Variants in ERAP1 observed in about 807,000 individuals in gnomAD.
The protein encoded by ERAP1 is endoplasmic reticulum aminopeptidase 1, also known as adipocyte-derived leucine aminopeptidase.
Under a neutral mutation model 103.7 loss-of-function variants are expected in ERAP1, and 86 were observed. That is an observed-to-expected ratio of 0.83 (90% confidence interval 0.70 to 0.99). The LOEUF (loss-of-function observed/expected upper bound fraction) is 0.99, where lower values mean the gene tolerates loss of function less well. Ranked by LOEUF, ERAP1 falls within the 50% of genes least tolerant of loss-of-function variation. The probability of loss-of-function intolerance (pLI) is 0.00; values close to 1 mark genes in which losing one functional copy is unlikely to be tolerated. For synonymous variants in ERAP1, 398 were observed against 402.4 expected, an observed-to-expected ratio of 0.99 and a Z score of 0.13; for missense variants, 1,009 against 1,128.4, an observed-to-expected ratio of 0.89 and a Z score of 1.52.
chr5:96,912,009 G>A, the ERAP1 span, among the ~76,000 whole-genome samples: 1 of 150,332 alleles, frequency 6.7e-6, no homozygotes, highest in Non-Finnish European at 1.5e-5. Flanking sequence ...CTAACACGGT[G>A]TAACCCCGTC....
chr5:96,808,345 C>A (rs1778932406), upstream of ERAP1, among the ~76,000 whole-genome samples: 1 of 150,186 alleles, frequency 6.7e-6, no homozygotes, highest in Non-Finnish European at 1.5e-5. Context: ...AGGGCCGGTG[C>A]TCAAGTTGGG....
At chr5:96,787,905 G>C (rs1386805631) in intron 11 of ERAP1, among the ~76,000 whole-genome samples, 1 of 151,834 alleles carries the variant, frequency 6.6e-6, no homozygotes, top group Non-Finnish European at 1.5e-5. Context: ...GAGAGAGAGG[G>C]AGGTGAAGAA....
At chr5:96,933,563 AT>A in the ERAP1 span, among the ~76,000 whole-genome samples, 35 of 151,266 alleles carry the variant, frequency 2.3e-4, no homozygotes, top group South Asian at 4.2e-4. Flanking sequence ...TCGCTAGTGC[AT>A]TTTTTTTTAT....
the ERAP1 span, among the ~76,000 whole-genome samples, chr5:96,891,069 A>G: frequency 6.6e-6 from 1 of 152,310 alleles, no homozygotes; most frequent in Middle Eastern, 3.4e-3. Flanking sequence ...GCTAACGAAT[A>G]CTAATCTTTA....
At chr5:96,856,257 T>C in the ERAP1 span, among the ~76,000 whole-genome samples, 93 of 137,844 alleles carry the variant, frequency 6.7e-4, no homozygotes, top group African/African-American at 2.5e-3. Flanking sequence ...AGGCGGAGAT[T>C]GCAGTGAGCC....
the ERAP1 span, among the ~76,000 whole-genome samples, chr5:96,898,943 T>G: frequency 6.6e-6 from 1 of 152,176 alleles, no homozygotes; most frequent in Non-Finnish European, 1.5e-5. Context: ...TATGTATATT[T>G]GTAGACATCA....
chr5:96,911,425 T>C, the ERAP1 span, among the ~76,000 whole-genome samples: 1 of 152,176 alleles, frequency 6.6e-6, no homozygotes. Context: ...GTCCTCAAGA[T>C]AATAAAAATC....
chr5:96,790,138 GAAAA>G (rs1422692712), intron 10 of ERAP1, among the ~76,000 whole-genome samples, 154 bp downstream of exon 10: 1 of 152,154 alleles, frequency 6.6e-6, no homozygotes, highest in Non-Finnish European at 1.5e-5. Context: ...AAGAAAAATT[GAAAA>G]AGATTATGAG....
chr5:96,772,815 A>G (rs1158689151), downstream of ERAP1: 2 of 152,850 alleles, frequency 1.3e-5, no homozygotes, highest in African/African-American at 4.8e-5. Context: ...TGACTGGTTC[A>G]CCTGTGTACT....
intron 10 of ERAP1, among the ~76,000 whole-genome samples, chr5:96,789,770 C>G (rs1776519347): frequency 6.6e-6 from 1 of 152,208 alleles, no homozygotes; most frequent in Non-Finnish European, 1.5e-5. Flanking sequence ...CAGATCTCTG[C>G]TCTGCAATTT....
chr5:96,770,181 C>A (rs1385613153), downstream of ERAP1: 1 of 237,446 alleles, frequency 4.2e-6, no homozygotes, highest in Non-Finnish European at 8.6e-6. Context: ...TACATCCCCA[C>A]TGACAGTGTA....
Position 96,777,312 on chromosome 5 carries a change from T to G in ERAP1, c.2671-761A>C, listed in dbSNP as rs576409867. 2.0e-5 allele frequency among the ~76,000 whole-genome samples: 3 copies of G among 152,376 alleles called. No homozygotes were observed. In the East Asian group the frequency reaches 5.8e-4, roughly 29 times the overall value. ...GTTATTATCCTTTTCCCATAAATTTTCACAGCATTAATCCATCAATTTTTG... is the reference window on the plus strand; with the variant it reads ...GTTATTATCCTTTTCCCATAAATTTGCACAGCATTAATCCATCAATTTTTG... On this transcript the variant is annotated intron_variant, in intron 18 of 18. Coordinates refer to ENST00000443439, the MANE Select transcript of ERAP1 (RefSeq NM_001040458.3).
chr5:96,885,559 A>G, the ERAP1 span, among the ~76,000 whole-genome samples: 1 of 152,220 alleles, frequency 6.6e-6, no homozygotes, highest in African/African-American at 2.4e-5. Context: ...CCATCAAAGT[A>G]GACTAGATAA....
intron 1 of ERAP1, among the ~76,000 whole-genome samples, chr5:96,805,346 G>GTTGTT (rs780613819): frequency 3.4e-5 from 4 of 119,090 alleles, no homozygotes; most frequent in African/African-American, 1.4e-4. Flanking sequence ...CTGGTTTTTG[G>GTTGTT]TTTTTTTTTT....
At chr5:96,787,939 T>C (rs1253170785) in intron 11 of ERAP1, among the ~76,000 whole-genome samples, 3 of 151,930 alleles carry the variant, frequency 2.0e-5, no homozygotes, top group Non-Finnish European at 4.4e-5. Context: ...AGAGTTAACA[T>C]GTATCTAGGT....
At chr5:96,799,829 A>G (rs1034887468) in intron 3 of ERAP1, among the ~76,000 whole-genome samples, 4 of 152,376 alleles carry the variant, frequency 2.6e-5, no homozygotes, top group Middle Eastern at 6.8e-3. Context: ...CTTGGCTGGT[A>G]GGAATTTGCA....
chr5:96,843,911 T>C, the ERAP1 span, among the ~76,000 whole-genome samples: 1 of 152,236 alleles, frequency 6.6e-6, no homozygotes, highest in East Asian at 1.9e-4. Context: ...AATCTACCTA[T>C]GACCTATGAG....
At chr5:96,808,349 A>C (rs1370832735), upstream of ERAP1, among the ~76,000 whole-genome samples, 3 of 149,986 alleles carry the variant, frequency 2.0e-5, no homozygotes, top group Non-Finnish European at 4.4e-5. Flanking sequence ...CCGGTGCTCA[A>C]GTTGGGGACC....
chr5:96,906,169 C>T, the ERAP1 span, among the ~76,000 whole-genome samples: 5 of 134,930 alleles, frequency 3.7e-5, no homozygotes, highest in South Asian at 2.6e-4. Flanking sequence ...CTCTTAACCA[C>T]GACACGACAC....
Sources: allele counts gnomAD v4.1 joint callset (sites outside exome capture counted in the v4.1 genomes callset), GRCh38; gene constraint gnomAD v4.1.1; transcripts MANE v1.5; gene names NCBI Gene and HGNC (gene_info 2026-07-23, HGNC 2026-07-21).